The following KIF19 variants were observed in gnomAD, a reference collection of about 807,000 sequenced individuals.
The protein encoded by KIF19 is kinesin-like protein KIF19.
KIF19 carries 98 observed loss-of-function variants against 106.6 expected under a neutral mutation model. The observed-to-expected ratio is 0.92, with a 90% CI of 0.78 to 1.09. The LOEUF (loss-of-function observed/expected upper bound fraction) is 1.09, where lower values mean the gene tolerates loss of function less well. KIF19 is among the 50% of genes least tolerant of loss of function. KIF19 has a pLI of 0.00. For synonymous variants in KIF19, 516 were observed against 584.2 expected (o/e 0.88, Z 1.68); for missense variants, 1,373 against 1,414.3 (o/e 0.97, Z 0.47).
chr17:74,330,022 C>T (rs919538234), intron 2 of KIF19, among the ~76,000 whole-genome samples: 1 of 152,240 alleles, frequency 6.6e-6, no homozygotes, highest in South Asian at 2.1e-4. Context: ...CCACTCAAGC[C>T]TCTTTCTTCA....
At chr17:74,345,991 A>G (rs1292055525) in intron 7 of KIF19, among the ~76,000 whole-genome samples, 2 of 152,166 alleles carry the variant, frequency 1.3e-5, no homozygotes, top group Non-Finnish European at 2.9e-5. Context: ...CACCATGCAC[A>G]TGTGCACGCA....
intron 1 of KIF19, among the ~76,000 whole-genome samples, chr17:74,326,688 T>C (rs2053920112): frequency 6.6e-6 from 1 of 151,812 alleles, no homozygotes. Flanking sequence ...CTCGGCTCTC[T>C]CATCCAGAAA....
rs1426162259 is a variant in KIF19 at position 74,331,950 on chromosome 17, T to G, written c.120+3445T>G. ...ATTCCAGGACCCCGTTCAATTCCATTAGTAGTCACAATGCCTTCTTTAGAG... is the reference window on the plus strand; with the variant it reads ...ATTCCAGGACCCCGTTCAATTCCATGAGTAGTCACAATGCCTTCTTTAGAG... On this transcript the variant is annotated intron_variant, in intron 2 of 19. Transcript: ENST00000389916. The surrounding 1 kb of genome is among the most constrained non-coding windows in gnomAD (Gnocchi z 4.1). Among the ~76,000 whole-genome samples the G allele has an allele frequency of 6.6e-6, 1 of 152,106 alleles. No homozygotes were observed. The highest frequency in any genetic ancestry group is 2.4e-5 in the African/African-American group (1 of 41,418).
rs149977480 is a variant in KIF19 at position 74,326,465 on chromosome 17, C to T, written c.39+77C>T. On this transcript the variant is annotated intron_variant, in intron 1 of 19. Coordinates refer to ENST00000389916, the MANE Select transcript of KIF19 (RefSeq NM_153209.4). Reference sequence around the variant, plus strand: ...TCGGCCTCCAGCGACAGAGTCCTGTCCCCTCGCCGCCACCCCACTGAGAGG... The same window carrying T: ...TCGGCCTCCAGCGACAGAGTCCTGTTCCCTCGCCGCCACCCCACTGAGAGG... 1.7e-3 allele frequency: 2,375 copies of T among 1,390,348 alleles called. 42 individuals carry two copies. The African/African-American group carries it at 0.03, about 18-fold the overall frequency. The allele number at this position is 1,390,348 out of a possible 1,614,324, so 86.1% of individuals were successfully genotyped here.
At chr17:74,347,295 G>A (rs146715447) in intron 8 of KIF19, among the ~76,000 whole-genome samples, 34 of 152,294 alleles carry the variant, frequency 2.2e-4, no homozygotes, top group African/African-American at 7.9e-4. Flanking sequence ...CCAGCACTTT[G>A]GGAGGCCGAG....
chr17:74,350,695 G>A lies in KIF19; in HGVS notation c.1389-12G>A. 6.2e-7 allele frequency: 1 copy of A among 1,613,454 alleles called. No homozygotes were observed. Among genetic ancestry groups the A allele is most frequent in the South Asian group, 1.1e-5 (1 of 91,070 alleles). ...CCTGAATGCCCTGTCTCTCTGGGTGGGGCTGCGGCAGCTGGAAGCATGAGA... is the reference window on the plus strand; with the variant it reads ...CCTGAATGCCCTGTCTCTCTGGGTGAGGCTGCGGCAGCTGGAAGCATGAGA... On this transcript the variant is annotated splice_polypyrimidine_tract_variant and intron_variant, in intron 11 of 19. Transcript: ENST00000389916.
chr17:74,349,419 T>C (rs1230860592), intron 10 of KIF19, 70 bp downstream of exon 10: 2 of 1,447,490 alleles, frequency 1.4e-6, no homozygotes, highest in African/African-American at 1.4e-5. Context: ...GATCAGGCCA[T>C]GTTGTGTTCA....
chr17:74,337,498 C>T (rs1327139581), intron 2 of KIF19, among the ~76,000 whole-genome samples: 1 of 152,196 alleles, frequency 6.6e-6, no homozygotes, highest in Non-Finnish European at 1.5e-5. Context: ...CAAGAAACCC[C>T]AGTGATCTGA....
chr17:74,335,687 G>A (rs774527505), intron 2 of KIF19, among the ~76,000 whole-genome samples: 3 of 152,282 alleles, frequency 2.0e-5, no homozygotes, highest in South Asian at 2.1e-4. Context: ...GATGGGCTTG[G>A]AGGGACAGAG....
chr17:74,344,125 G>T, intron 5 of KIF19, 98 bp from the exon 6 acceptor site: 1 of 1,183,032 alleles, frequency 8.5e-7, no homozygotes, highest in Non-Finnish European at 1.2e-6. Flanking sequence ...GTGAACTCTT[G>T]TCCCTTTCCT....
chr17:74,354,975 G>A, intron 19 of KIF19, 34 bp downstream of exon 19: 1 of 1,571,324 alleles, frequency 6.4e-7, no homozygotes, highest in Non-Finnish European at 8.7e-7. Context: ...GGGGAGGGGA[G>A]GCCTCCACCA....
chr17:74,327,782 T>C (rs1049668291), intron 1 of KIF19, among the ~76,000 whole-genome samples: 14 of 152,234 alleles, frequency 9.2e-5, no homozygotes, highest in Admixed American at 7.8e-4. Context: ...GAAGGAGTCT[T>C]CACTCGGCCA....
chr17:74,328,310 C>T, intron 1 of KIF19, 115 bp from the exon 2 acceptor site: 1 of 878,848 alleles, frequency 1.1e-6, no homozygotes. Flanking sequence ...TTACTTAGGA[C>T]AAGGGAGGCC....
chr17:74,347,630 C>A, intron 8 of KIF19, 147 bp from the exon 9 acceptor site: 1 of 860,054 alleles, frequency 1.2e-6, no homozygotes, highest in Non-Finnish European at 1.8e-6. Context: ...CCTCCCAAGC[C>A]TCACACCATA....
At chr17:74,353,742 A>T (rs2054790167) in intron 17 of KIF19, among the ~76,000 whole-genome samples, 161 bp downstream of exon 17, 1 of 152,242 alleles carries the variant, frequency 6.6e-6, no homozygotes. Flanking sequence ...AGGATTAGTC[A>T]GTCAAGGACA....
At chr17:74,342,605 C>A in intron 3 of KIF19, 25 bp from the exon 4 acceptor site, 2 of 1,594,226 alleles carry the variant, frequency 1.3e-6, no homozygotes. Flanking sequence ...GTGTCCCGGC[C>A]CCTGACAGGC....
At position 74,331,512 on chromosome 17, in the gene KIF19, C is replaced by T. The variant is rs1046580559; in HGVS notation, c.120+3007C>T. Among the ~76,000 whole-genome samples, 8 of 151,820 alleles carry T rather than the reference C, an allele frequency of 5.3e-5. No homozygotes were observed. Among genetic ancestry groups the T allele is most frequent in the African/African-American group, 1.5e-4 (6 of 41,308 alleles). On this transcript the variant is annotated intron_variant, in intron 2 of 19. Transcript: ENST00000389916. This position sits in a 1 kb window ranked among gnomAD's most constrained non-coding sequence, Gnocchi z 4.1. ...TGGCAGAAGGGGACATTCCCACAGG[C>T]GGAGAGTCCTCTGGGACAGGAACCC...
intron 6 of KIF19, 124 bp downstream of exon 6, chr17:74,344,472 A>C: frequency 7.0e-7 from 1 of 1,420,670 alleles, no homozygotes; most frequent in Non-Finnish European, 9.5e-7. Flanking sequence ...AGACAGGAGA[A>C]TCCTGAGTGG....
intron 2 of KIF19, chr17:74,328,784 T>C: frequency 3.1e-6 from 1 of 327,732 alleles, no homozygotes; most frequent in African/African-American, 2.1e-5. Flanking sequence ...TTTCCCACCC[T>C]AATATGCCTG....
Sources: gnomAD v4.1 joint callset for allele counts (sites outside exome capture counted in the v4.1 genomes callset) on GRCh38, gnomAD v4.1.1 for gene constraint, Gnocchi (gnomAD v3.1) non-coding constraint, MANE v1.5 for transcripts, NCBI Gene and HGNC (gene_info 2026-07-23, HGNC 2026-07-21) for gene names.